Variants in TTI1 observed in about 807,000 individuals in gnomAD.
TTI1 encodes the protein TELO2-interacting protein 1 homolog.
Under a neutral mutation model 85.4 loss-of-function variants are expected in TTI1, and 52 were observed. The observed-to-expected ratio is 0.61, with a 90% confidence interval of 0.49 to 0.77. The LOEUF is 0.77. Among genes scored for constraint, TTI1 ranks in the 30% least tolerant of loss-of-function variants. TTI1 has a pLI of 0.00. For missense variants in TTI1, 1,173 were observed against 1,296.0 expected, an observed-to-expected ratio of 0.91 and a Z score of 1.46; for synonymous variants, 512 against 503.9, an observed-to-expected ratio of 1.02 and a Z score of -0.22.
Position 38,011,672 on chromosome 20 carries a change from G to T in TTI1, c.2145C>A (p.Thr715=). 1.9e-6 allele frequency: 3 copies of T among 1,614,156 alleles called. No homozygotes were observed. The highest frequency in any genetic ancestry group is 2.5e-6 in the Non-Finnish European group (3 of 1,180,026). ...GCAGCATGACTTCCAGGACCTTTGGGGTATGAGGATGCAGAGCCAGATGAC... is the reference window on the plus strand; with the variant it reads ...GCAGCATGACTTCCAGGACCTTTGGTGTATGAGGATGCAGAGCCAGATGAC... ...NLRHLALHPH[T]PKVLEVMLRN... is the part of the protein sequence containing the mutation. Residue 715 remains threonine (T), a synonymous_variant, in exon 2 of 8, where the codon ACC becomes ACA. Coordinates refer to ENST00000373447, the MANE Select transcript of TTI1 (RefSeq NM_001303457.2).
chr20:38,009,280 G>T (rs190080468), intron 2 of TTI1, among the ~76,000 whole-genome samples: 1 of 152,278 alleles, frequency 6.6e-6, no homozygotes, highest in East Asian at 1.9e-4. Flanking sequence ...AGGCCTAAGT[G>T]GGTCTTATTC....
Position 38,012,808 on chromosome 20 carries a change from C to T in TTI1, c.1009G>A (p.Val337Met), listed in dbSNP as rs1244269390. Residue 337 changes from valine to methionine, a missense_variant, in exon 2 of 8, where the codon GTG (valine) becomes ATG (methionine). Val to Met is a conservative substitution (Grantham distance 21, BLOSUM62 1). Coordinates refer to ENST00000373447, the MANE Select transcript of TTI1 (RefSeq NM_001303457.2). The part of the protein sequence containing the change: ...ECAGPLLKAL[V>M]GLVNDESPEI... The stretch of plus-strand genomic sequence containing the variant: ...GGACTCTCATCATTTACTAGTCCCA[C>T]TAAGGCCTTCAGAAGGGGACCAGCA... The T allele has an allele frequency of 6.2e-6, 10 of 1,614,120 alleles. No individual in the cohort carries two copies. The South Asian group carries it at 1.1e-4, about 18-fold the overall frequency.
At chr20:37,985,215 C>T (rs1275630317) in intron 7 of TTI1, among the ~76,000 whole-genome samples, 1 of 152,206 alleles carries the variant, frequency 6.6e-6, no homozygotes. Context: ...AGATCAAGCC[C>T]TACACAGTCT....
At chr20:38,001,084 CCT>C (rs1248217956) in intron 4 of TTI1, among the ~76,000 whole-genome samples, 1 of 152,136 alleles carries the variant, frequency 6.6e-6, no homozygotes, top group Non-Finnish European at 1.5e-5. Context: ...CTGTGTATTG[CCT>C]CTCTCCCCAC....
chr20:38,027,321 A>G (rs1278025131), intron 1 of TTI1, among the ~76,000 whole-genome samples: 1 of 152,258 alleles, frequency 6.6e-6, no homozygotes, highest in Non-Finnish European at 1.5e-5. Flanking sequence ...AATGTTATGT[A>G]AACAGTTGTT....
At position 38,020,338 on chromosome 20, in the gene TTI1, ATATATATATATATATG is replaced by A. The variant is rs1336087886; in HGVS notation, c.-41-6497_-41-6482del. On this transcript the variant is annotated intron_variant, in intron 1 of 7. Coordinates refer to ENST00000373447, the MANE Select transcript of TTI1 (RefSeq NM_001303457.2). ...AAAAAAAAAAAATATATATATATATATATATATATATATATGTATGTATCTTGATTCCATCACATCC... is the reference window on the plus strand; with the variant it reads ...AAAAAAAAAAAATATATATATATATATATGTATCTTGATTCCATCACATCC... Among the ~76,000 whole-genome samples, 184 of 120,386 alleles carry A rather than the reference ATATATATATATATATG, an allele frequency of 1.5e-3. 3 individuals are homozygous for A. Among genetic ancestry groups the A allele is most frequent in the African/African-American group, 5.3e-3 (178 of 33,478 alleles). 79.0% of individuals were successfully genotyped at this position (120,386 alleles called of 152,430 possible).
chr20:38,021,305 T>C (rs930795570), intron 1 of TTI1, among the ~76,000 whole-genome samples: 4 of 152,222 alleles, frequency 2.6e-5, no homozygotes, highest in African/African-American at 9.6e-5. Context: ...GGCAATCATA[T>C]AGCTTTATGG....
Position 38,006,142 on chromosome 20 carries a change from T to C in TTI1, c.2503+55A>G, listed in dbSNP as rs967611062. Reference sequence around the variant, plus strand: ...TTCTGTAATGATGTTTCACCATTTTTACAATAATCTGTTTCAGAAAGAAAA... The same window carrying C: ...TTCTGTAATGATGTTTCACCATTTTCACAATAATCTGTTTCAGAAAGAAAA... On this transcript the variant is annotated intron_variant, in intron 3 of 7. Transcript: ENST00000373447. The C allele has an allele frequency of 1.8e-5, 28 of 1,595,166 alleles. No individual in the cohort carries two copies. The African/African-American group carries it at 3.8e-4, about 21-fold the overall frequency.
At chr20:38,000,554 C>CAA (rs1568614724) in intron 4 of TTI1, 1 of 114,772 alleles carries the variant, frequency 8.7e-6, no homozygotes, top group African/African-American at 3.4e-5. Context: ...GTCTGCAAGA[C>CAA]AGAGAGAAGC....
chr20:37,983,359 GC>G lies in TTI1; in HGVS notation c.*96del, dbSNP rs1326646384. 11 of 1,271,208 alleles carry G rather than the reference GC, an allele frequency of 8.7e-6. No individual in the cohort carries two copies. The highest frequency in any genetic ancestry group is 1.2e-5 in the Non-Finnish European group (11 of 929,636). 78.7% of individuals were successfully genotyped at this position (1,271,208 alleles called of 1,614,324 possible). A position where few individuals can be genotyped will look rare whatever the true frequency, so the allele number is the denominator to read the frequency against. ...ATTGGCTAACTAATTCACCTTCTCT[GC>G]TGCCGCTGCCACCGCCTATGGCCGG... On this transcript the variant is annotated 3_prime_UTR_variant, in exon 8 of 8. Coordinates refer to ENST00000373447, the MANE Select transcript of TTI1 (RefSeq NM_001303457.2).
Position 38,012,073 on chromosome 20 carries a change from C to T in TTI1, c.1744G>A (p.Gly582Arg), listed in dbSNP as rs773292220. Residue 582 changes from glycine to arginine, a missense_variant, in exon 2 of 8, where the codon GGA (glycine) becomes AGA (arginine). By Grantham distance (125) the Gly-to-Arg change is moderately radical. Coordinates refer to ENST00000373447, the MANE Select transcript of TTI1 (RefSeq NM_001303457.2). Reference protein sequence around the residue: ...LVTCLETEEMGEELMMEHPGL... With the variant: ...LVTCLETEEMREELMMEHPGL... ...GGGTGCTCCATCATCAGCTCCTCTC[C>T]CATTTCCTCAGTTTCAAGACAGGTA... 65 of 1,614,090 alleles carry T rather than the reference C, an allele frequency of 4.0e-5. No homozygotes were observed. The highest frequency in any genetic ancestry group is 5.3e-5 in the Non-Finnish European group (62 of 1,180,048).
intron 1 of TTI1, among the ~76,000 whole-genome samples, chr20:38,018,288 T>TA (rs753805653): frequency 1.1e-4 from 16 of 151,848 alleles, no homozygotes; most frequent in Non-Finnish European, 1.8e-4. Flanking sequence ...CTGAAATCTA[T>TA]AAAAAAAATC....
chr20:38,029,217 G>A (rs1317608515), intron 1 of TTI1, among the ~76,000 whole-genome samples: 2 of 151,906 alleles, frequency 1.3e-5, no homozygotes, highest in Non-Finnish European at 2.9e-5. Context: ...CCACGGAACA[G>A]AGAGGAAACC....
chr20:37,997,754 T>C (rs1026479283), intron 5 of TTI1, among the ~76,000 whole-genome samples: 1 of 152,156 alleles, frequency 6.6e-6, no homozygotes, highest in African/African-American at 2.4e-5. Flanking sequence ...TAGACCTCAG[T>C]GTCATCATCG....
At chr20:37,986,419 T>C (rs1010295664) in intron 7 of TTI1, among the ~76,000 whole-genome samples, 1 of 152,174 alleles carries the variant, frequency 6.6e-6, no homozygotes, top group Non-Finnish European at 1.5e-5. Context: ...GATATCCACA[T>C]AAAATATTAA....
At position 38,011,437 on chromosome 20, in the gene TTI1, C is replaced by T. The variant is rs144090249; in HGVS notation, c.2302+78G>A. 900 of 1,509,750 alleles carry T rather than the reference C, an allele frequency of 6.0e-4. 10 individuals carry two copies. The East Asian group carries it at 0.017, about 28-fold the overall frequency. The allele number at this position is 1,509,750 out of a possible 1,614,324, so 93.5% of individuals were successfully genotyped here. A position where few individuals can be genotyped will look rare whatever the true frequency, so the allele number is the denominator to read the frequency against. On this transcript the variant is annotated intron_variant, in intron 2 of 7. Coordinates refer to ENST00000373447, the MANE Select transcript of TTI1 (RefSeq NM_001303457.2). ...CTCCATAGCATCACCACAAACAATG[C>T]AAAAAACGAGGCTAAGCAAACTAGG... is the stretch of plus-strand genomic sequence containing the variant.
chr20:38,008,764 G>C (rs1035522692), intron 2 of TTI1, among the ~76,000 whole-genome samples: 3 of 152,290 alleles, frequency 2.0e-5, no homozygotes, highest in African/African-American at 7.2e-5. Context: ...ATGACAAACA[G>C]AAATGACAGC....
At position 37,999,323 on chromosome 20, in the gene TTI1, C is replaced by G; in HGVS notation, c.2658G>C (p.Leu886Phe). The change falls in exon 5 of 8, where the codon TTG (leucine) becomes TTC (phenylalanine). Residue 886 changes from leucine (L) to phenylalanine (F), a missense_variant. Physicochemically the swap from Leu to Phe is conservative, Grantham distance 22. Transcript: ENST00000373447. ...DKNLQIRLKV[L>F]DVLDLCVVVL... ...CAACCACACACAGATCCAGCACATC[C>G]AAGACCTGAAAGAGACACGATTTCA... 7.0e-7 allele frequency: 1 copy of G among 1,420,168 alleles called. No individual in the cohort carries two copies. Among genetic ancestry groups the G allele is most frequent in the Non-Finnish European group, 9.3e-7 (1 of 1,078,080 alleles). The allele number at this position is 1,420,168 out of a possible 1,614,324, so 88.0% of individuals were successfully genotyped here.
rs202219829 is a variant in TTI1, at chr20:37,999,000, GT to G, written c.2793+187del. 8.4e-3 allele frequency among the ~76,000 whole-genome samples: 1,286 copies of G among 152,308 alleles called. 8 individuals are homozygous for G. Among genetic ancestry groups the G allele is most frequent in the Middle Eastern group, 0.024 (7 of 294 alleles). Reference sequence around the variant, plus strand: ...TACTGCCTGGCCTTTTCATCTACTAGTTCATCTGCTTCAAGTTCAAAAGGAG... The same window carrying G: ...TACTGCCTGGCCTTTTCATCTACTAGTCATCTGCTTCAAGTTCAAAAGGAG... On this transcript the variant is annotated intron_variant, in intron 5 of 7. Coordinates refer to ENST00000373447, the MANE Select transcript of TTI1 (RefSeq NM_001303457.2).
Sources: allele counts gnomAD v4.1 joint callset (sites outside exome capture counted in the v4.1 genomes callset), GRCh38; gene constraint gnomAD v4.1.1; transcripts MANE v1.5; gene names NCBI Gene and HGNC (gene_info 2026-07-23, HGNC 2026-07-21).